Variants in IMMP2L observed in about 807,000 individuals in gnomAD.
IMMP2L encodes the protein inner mitochondrial membrane peptidase subunit 2.
In IMMP2L, 18 loss-of-function variants were observed where a neutral mutation model predicts 19.3. The ratio of observed to expected loss-of-function variants is 0.93; its 90% CI spans 0.64 to 1.38. The LOEUF (loss-of-function observed/expected upper bound fraction) is 1.38, where lower values mean the gene tolerates loss of function less well. IMMP2L is among the 40% of genes most tolerant of loss of function. The pLI, the probability that IMMP2L is intolerant of heterozygous loss-of-function variation, is 0.00. For missense variants in IMMP2L, 233 were observed against 218.2 expected (o/e 1.07, Z -0.43); for synonymous variants, 76 against 73.0 (o/e 1.04, Z -0.21).
intron 3 of IMMP2L, among the ~76,000 whole-genome samples, chr7:111,072,106 A>G (rs768123401): frequency 5.9e-5 from 9 of 152,232 alleles, no homozygotes; most frequent in Non-Finnish European, 1.2e-4. Flanking sequence ...AAAAAAATCC[A>G]TTAGTCCTTA....
At chr7:111,221,389 T>C (rs376772158) in intron 3 of IMMP2L, among the ~76,000 whole-genome samples, 1 of 152,220 alleles carries the variant, frequency 6.6e-6, no homozygotes, top group South Asian at 2.1e-4. Flanking sequence ...AAAATTTTAA[T>C]GGATTCTGTA....
At chr7:111,402,107 C>T in intron 3 of IMMP2L, among the ~76,000 whole-genome samples, 1 of 143,934 alleles carries the variant, frequency 6.9e-6, no homozygotes. Context: ...GACCACATAG[C>T]AAGACCCCAT....
chr7:111,315,682 C>A (rs993313555), intron 3 of IMMP2L, among the ~76,000 whole-genome samples: 1 of 150,426 alleles, frequency 6.6e-6, no homozygotes, highest in Non-Finnish European at 1.5e-5. Flanking sequence ...AATGAGACTA[C>A]GTCCATTTAA....
At chr7:110,738,369 A>G (rs1475856446) in intron 5 of IMMP2L, among the ~76,000 whole-genome samples, 2 of 152,334 alleles carry the variant, frequency 1.3e-5, no homozygotes, top group South Asian at 2.1e-4. Flanking sequence ...ATAAAAAACA[A>G]TCACAACTTC....
chr7:111,503,118 A>G (rs1266874414), intron 2 of IMMP2L, among the ~76,000 whole-genome samples: 1 of 152,188 alleles, frequency 6.6e-6, no homozygotes, highest in East Asian at 1.9e-4. Flanking sequence ...AATAGACACA[A>G]TAAAAAATGA....
intron 5 of IMMP2L, among the ~76,000 whole-genome samples, chr7:110,885,487 T>C (rs1330495954): frequency 6.6e-6 from 1 of 151,842 alleles, no homozygotes; most frequent in African/African-American, 2.4e-5. Context: ...TCACTTTATA[T>C]TATAAGCTAT....
intron 3 of IMMP2L, among the ~76,000 whole-genome samples, chr7:111,410,864 A>C (rs1446439243): frequency 6.6e-6 from 1 of 151,732 alleles, no homozygotes; most frequent in Non-Finnish European, 1.5e-5. Context: ...GAAGGAAGAA[A>C]ATATTTTAAA....
At chr7:110,674,165 C>G (rs369223744) in intron 5 of IMMP2L, among the ~76,000 whole-genome samples, 4 of 152,152 alleles carry the variant, frequency 2.6e-5, no homozygotes, top group African/African-American at 9.7e-5. Flanking sequence ...CAAGCATGTC[C>G]TTCTCCACAT....
At chr7:111,285,068 T>C (rs918822270) in intron 3 of IMMP2L, among the ~76,000 whole-genome samples, 6 of 151,956 alleles carry the variant, frequency 3.9e-5, no homozygotes, top group African/African-American at 9.7e-5. Context: ...GAGAGGATCA[T>C]GGAGAATGGA....
Position 111,238,157 on chromosome 7 carries a change from A to G in IMMP2L, c.239+249081T>C, listed in dbSNP as rs191917726. ...GGCTGCCATTAGTATTGCTTATGGAAACATAAGACCAAGTAAGGACACATA... is the reference window on the plus strand; with the variant it reads ...GGCTGCCATTAGTATTGCTTATGGAGACATAAGACCAAGTAAGGACACATA... On this transcript the variant is annotated intron_variant, in intron 3 of 5. Coordinates refer to ENST00000405709, the MANE Select transcript of IMMP2L (RefSeq NM_032549.4). Among the ~76,000 whole-genome samples, 47 of 152,178 alleles carry G rather than the reference A, an allele frequency of 3.1e-4. No individual in the cohort carries two copies. In the East Asian group the frequency reaches 8.5e-3, roughly 27 times the overall value.
intron 3 of IMMP2L, among the ~76,000 whole-genome samples, chr7:111,214,856 C>T (rs1185697517): frequency 6.6e-6 from 1 of 151,394 alleles, no homozygotes; most frequent in Non-Finnish European, 1.5e-5. Flanking sequence ...CCAGATCTGG[C>T]TCAAAGACTT....
At chr7:111,409,671 T>A (rs1834222751) in intron 3 of IMMP2L, among the ~76,000 whole-genome samples, 1 of 151,814 alleles carries the variant, frequency 6.6e-6, no homozygotes, top group Non-Finnish European at 1.5e-5. Context: ...AGCTTGCTTC[T>A]AAGAGTAGCC....
chr7:111,235,470 TA>T lies in IMMP2L; in HGVS notation c.239+251767del, dbSNP rs78702981. 8.3e-3 allele frequency among the ~76,000 whole-genome samples: 1,172 copies of T among 140,734 alleles called. 3 individuals carry two copies. Among genetic ancestry groups the T allele is most frequent in the Middle Eastern group, 0.011 (3 of 270 alleles). 92.3% of individuals were successfully genotyped at this position (140,734 alleles called of 152,430 possible). ...TGGGTAACAAGAGCGAAACTCCGTC[TA>T]AAAAAAAAAAAAAATTCCACATTGA... On this transcript the variant is annotated intron_variant, in intron 3 of 5. Coordinates refer to ENST00000405709, the MANE Select transcript of IMMP2L (RefSeq NM_032549.4).
intron 5 of IMMP2L, among the ~76,000 whole-genome samples, chr7:110,688,366 A>C (rs568067746): frequency 3.9e-4 from 59 of 152,242 alleles, no homozygotes; most frequent in African/African-American, 1.4e-3. Context: ...TATGACTACA[A>C]AACAGACAGC....
chr7:111,522,686 G>A (rs1846450431), intron 1 of IMMP2L, among the ~76,000 whole-genome samples: 1 of 151,922 alleles, frequency 6.6e-6, no homozygotes, highest in Non-Finnish European at 1.5e-5. Context: ...CTGTTTATGG[G>A]AATGTAAATT....
At chr7:111,272,639 T>C (rs562630072) in intron 3 of IMMP2L, among the ~76,000 whole-genome samples, 2 of 152,294 alleles carry the variant, frequency 1.3e-5, no homozygotes, top group South Asian at 2.1e-4. Context: ...TATGTGTTAA[T>C]AGAGAAGAGG....
intron 3 of IMMP2L, among the ~76,000 whole-genome samples, chr7:111,339,341 GA>G (rs997145006): frequency 6.6e-6 from 1 of 151,824 alleles, no homozygotes; most frequent in African/African-American, 2.4e-5. Context: ...TCTCTGAAAA[GA>G]GAGAGTATTT....
At chr7:110,704,134 G>C (rs1408018638) in intron 5 of IMMP2L, among the ~76,000 whole-genome samples, 2 of 152,042 alleles carry the variant, frequency 1.3e-5, no homozygotes, top group Non-Finnish European at 2.9e-5. Flanking sequence ...GGATTTTTAA[G>C]GCTTTATGAG....
chr7:111,043,107 C>T (rs1251698214), intron 3 of IMMP2L, among the ~76,000 whole-genome samples: 1 of 152,180 alleles, frequency 6.6e-6, no homozygotes, highest in African/African-American at 2.4e-5. Flanking sequence ...TCCACACATA[C>T]TCCTGTAATT....
Sources: gnomAD v4.1 joint callset for allele counts (sites outside exome capture counted in the v4.1 genomes callset) on GRCh38, gnomAD v4.1.1 for gene constraint, MANE v1.5 for transcripts, NCBI Gene and HGNC (gene_info 2026-07-23, HGNC 2026-07-21) for gene names.